The following DLG2 variants were observed in gnomAD, a reference collection of about 807,000 sequenced individuals.
DLG2 encodes disks large homolog 2.
In DLG2, 45 loss-of-function variants were observed where a neutral mutation model predicts 132.5. The ratio of observed to expected loss-of-function variants is 0.34; its 90% CI spans 0.27 to 0.44. The LOEUF is 0.44. Ranked by LOEUF, DLG2 falls within the 20% of genes least tolerant of loss-of-function variation. The pLI, the probability that DLG2 is intolerant of heterozygous loss-of-function variation, is 1.00. For missense variants in DLG2, 1,045 were observed against 1,196.9 expected (o/e 0.87, Z 1.87); for synonymous variants, 424 against 419.6 (o/e 1.01, Z -0.13).
intron 3 of DLG2, among the ~76,000 whole-genome samples, chr11:85,533,231 C>T (rs2075337606): frequency 6.6e-6 from 1 of 151,978 alleles, no homozygotes; most frequent in African/African-American, 2.4e-5. Context: ...ACCATGTTGG[C>T]CAGGCTAGTC....
At position 83,773,010 on chromosome 11, in the gene DLG2, C is replaced by G. The variant is rs931648729; in HGVS notation, c.1825+13680G>C. 3.9e-5 allele frequency among the ~76,000 whole-genome samples: 6 copies of G among 152,204 alleles called. No individual in the cohort carries two copies. In the East Asian group the frequency reaches 9.6e-4, roughly 24 times the overall value. The stretch of plus-strand genomic sequence containing the variant: ...CATTAAAAATAAAGTTAATATACCA[C>G]CAAGCATTCACTCATCAAACAGGTA... On this transcript the variant is annotated intron_variant, in intron 18 of 27. Transcript: ENST00000376104.
At chr11:84,382,385 T>C (rs7951572) in intron 7 of DLG2, among the ~76,000 whole-genome samples, 2,763 of 152,248 alleles carry the variant, frequency 0.018, 87 homozygotes, top group South Asian at 0.13. Flanking sequence ...CCCAGTCTTA[T>C]TCCAGCATAA....
At chr11:83,510,831 T>TTG (rs3040151) in intron 21 of DLG2, among the ~76,000 whole-genome samples, 1 of 22,860 alleles carries the variant, frequency 4.4e-5, no homozygotes, top group African/African-American at 2.0e-4. Context: ...GAACCATCCG[T>TTG]TTTTTTTTTT....
At chr11:84,723,054 T>G (rs1050786803) in intron 6 of DLG2, among the ~76,000 whole-genome samples, 1 of 152,208 alleles carries the variant, frequency 6.6e-6, no homozygotes, top group African/African-American at 2.4e-5. Context: ...AGTGTGATTG[T>G]GTGAGCACTC....
intron 14 of DLG2, among the ~76,000 whole-genome samples, chr11:83,953,332 C>A (rs987829901): frequency 6.6e-6 from 1 of 152,170 alleles, no homozygotes; most frequent in Non-Finnish European, 1.5e-5. Context: ...AGCTTTACTG[C>A]CTGAGCTTCC....
At chr11:84,150,957 C>T (rs1164184735) in intron 9 of DLG2, among the ~76,000 whole-genome samples, 1 of 152,156 alleles carries the variant, frequency 6.6e-6, no homozygotes, top group African/African-American at 2.4e-5. Context: ...GAAATAAAGC[C>T]TACTTCCTTG....
chr11:83,970,689 A>C (rs2091159383), intron 12 of DLG2, among the ~76,000 whole-genome samples: 1 of 152,234 alleles, frequency 6.6e-6, no homozygotes, highest in Non-Finnish European at 1.5e-5. Context: ...ACTGCTTCAA[A>C]AGGCTATTGA....
chr11:84,694,373 A>G (rs994587006), intron 6 of DLG2, among the ~76,000 whole-genome samples: 1 of 151,688 alleles, frequency 6.6e-6, no homozygotes, highest in African/African-American at 2.4e-5. Context: ...ATTTGAGAAT[A>G]CAGCTTTGCA....
intron 7 of DLG2, among the ~76,000 whole-genome samples, chr11:84,482,281 G>A (rs1273271239): frequency 6.6e-6 from 1 of 152,072 alleles, no homozygotes; most frequent in South Asian, 2.1e-4. Context: ...AGCAAACATT[G>A]GTTCTTTATT....
intron 6 of DLG2, among the ~76,000 whole-genome samples, chr11:84,786,810 G>A (rs17741065): frequency 0.27 from 41,344 of 151,960 alleles, 6,189 homozygotes; most frequent in Middle Eastern, 0.32. Context: ...AGTAAAAATC[G>A]CTCTGTGACA....
chr11:85,506,403 C>T (rs1476148773), intron 3 of DLG2, among the ~76,000 whole-genome samples: 2 of 152,116 alleles, frequency 1.3e-5, no homozygotes, highest in Non-Finnish European at 2.9e-5. Flanking sequence ...CCCAGATATT[C>T]TGGTATGTTG....
Position 84,359,536 on chromosome 11 carries a change from T to C in DLG2, c.520-108245A>G, listed in dbSNP as rs141038159. On this transcript the variant is annotated intron_variant, in intron 7 of 27. Coordinates refer to ENST00000376104, the MANE Select transcript of DLG2 (RefSeq NM_001142699.3). ...TCTAGGGTGTCTGGAATTTAGTTTT[T>C]CCAAGTGAAAAAAAGTTCAACGACT... 1.5e-3 allele frequency among the ~76,000 whole-genome samples: 226 copies of C among 152,026 alleles called. 1 individual carries two copies. Among genetic ancestry groups the C allele is most frequent in the African/African-American group, 5.2e-3 (216 of 41,516 alleles).
At chr11:85,066,910 A>C (rs896312935) in intron 6 of DLG2, among the ~76,000 whole-genome samples, 1 of 151,768 alleles carries the variant, frequency 6.6e-6, no homozygotes, top group Admixed American at 6.6e-5. Flanking sequence ...TATTTAACAC[A>C]GTATTAGAAG....
In DLG2 at chr11:85,615,202, C is replaced by T. The variant is rs569217803; in HGVS notation, c.-93+11385G>A. Among the ~76,000 whole-genome samples the T allele has an allele frequency of 9.2e-5, 14 of 152,248 alleles. No individual in the cohort carries two copies. In the South Asian group the frequency reaches 2.9e-3, roughly 32 times the overall value. ...ATGATAGAAAATGTGCAAGGCTACG[C>T]AGCAGTAAACAGAAAGTAAGAAAAC... On this transcript the variant is annotated intron_variant, in intron 2 of 27. Coordinates refer to ENST00000376104, the MANE Select transcript of DLG2 (RefSeq NM_001142699.3).
At chr11:85,055,422 A>C (rs907103594) in intron 6 of DLG2, among the ~76,000 whole-genome samples, 6 of 152,198 alleles carry the variant, frequency 3.9e-5, no homozygotes, top group African/African-American at 1.4e-4. Flanking sequence ...TGAGAGAAGA[A>C]AATTCATGAG....
At chr11:84,644,738 G>T (rs1190201998) in intron 6 of DLG2, among the ~76,000 whole-genome samples, 1 of 151,144 alleles carries the variant, frequency 6.6e-6, no homozygotes, top group Non-Finnish European at 1.5e-5. Flanking sequence ...TTATGGGAAT[G>T]AAGTAATTTT....
chr11:84,890,416 T>C (rs938636044), intron 6 of DLG2, among the ~76,000 whole-genome samples: 1 of 152,166 alleles, frequency 6.6e-6, no homozygotes, highest in Non-Finnish European at 1.5e-5. Context: ...AGTCATATTC[T>C]TATAAGAATT....
chr11:84,152,422 T>C (rs1415133860), intron 9 of DLG2, among the ~76,000 whole-genome samples: 1 of 151,596 alleles, frequency 6.6e-6, no homozygotes, highest in Non-Finnish European at 1.5e-5. Context: ...AGTCTTGCAC[T>C]GTTGCCCAGG....
intron 3 of DLG2, among the ~76,000 whole-genome samples, chr11:85,581,355 G>A (rs1215267355): frequency 6.6e-6 from 1 of 152,038 alleles, no homozygotes; most frequent in African/African-American, 2.4e-5. Context: ...GCTCATGCCT[G>A]TAATCCTCGC....
Sources: gnomAD v4.1 joint callset for allele counts (sites outside exome capture counted in the v4.1 genomes callset) on GRCh38, gnomAD v4.1.1 for gene constraint, MANE v1.5 for transcripts, NCBI Gene and HGNC (gene_info 2026-07-23, HGNC 2026-07-21) for gene names.